Variants in SAMD5 observed in about 807,000 individuals in gnomAD.
SAMD5 encodes sterile alpha motif domain-containing protein 5.
SAMD5 carries 13 observed loss-of-function variants against 11.3 expected under a neutral mutation model. The observed-to-expected ratio is 1.15, with a 90% CI of 0.75 to 1.83. SAMD5 has a LOEUF of 1.83. SAMD5 is among the 40% of genes most tolerant of loss of function. The pLI, the probability that SAMD5 is intolerant of heterozygous loss-of-function variation, is 0.00. For synonymous variants in SAMD5, 129 were observed against 111.3 expected (o/e 1.16, Z -1.00); for missense variants, 255 against 239.1 (o/e 1.07, Z -0.44).
intron 1 of SAMD5, among the ~76,000 whole-genome samples, chr6:147,682,718 TG>T (rs1399047848): frequency 1.3e-5 from 2 of 152,220 alleles, no homozygotes; most frequent in African/African-American, 4.8e-5. Context: ...AATTAGCTGC[TG>T]AGAATAGTAA....
At chr6:147,914,448 T>C in the SAMD5 span, among the ~76,000 whole-genome samples, 1 of 152,096 alleles carries the variant, frequency 6.6e-6, no homozygotes, top group African/African-American at 2.4e-5. Flanking sequence ...TAGTAACTAA[T>C]TACACAGAAT....
intron 1 of SAMD5, among the ~76,000 whole-genome samples, chr6:147,697,478 G>A (rs555659502): frequency 2.0e-5 from 3 of 152,284 alleles, no homozygotes; most frequent in Admixed American, 2.0e-4. Context: ...CAGCAAGATG[G>A]TAATCAAACC....
intron 1 of SAMD5, among the ~76,000 whole-genome samples, chr6:147,551,467 A>G (rs1196614686): frequency 1.3e-5 from 2 of 152,106 alleles, no homozygotes; most frequent in Non-Finnish European, 2.9e-5. Context: ...TAAATGAACC[A>G]TGAAATTCTA....
the SAMD5 span, among the ~76,000 whole-genome samples, chr6:147,795,870 A>C: frequency 9.9e-5 from 15 of 152,254 alleles, no homozygotes; most frequent in East Asian, 2.1e-3. Context: ...TGTTCTTTTG[A>C]GAAGTGTCTG....
intron 1 of SAMD5, among the ~76,000 whole-genome samples, chr6:147,660,180 G>A (rs1172346501): frequency 1.3e-5 from 2 of 152,136 alleles, no homozygotes; most frequent in African/African-American, 4.8e-5. Flanking sequence ...GCAGAAGGAT[G>A]TTCAGGCAAT....
chr6:147,776,434 C>T, the SAMD5 span, among the ~76,000 whole-genome samples: 102 of 152,066 alleles, frequency 6.7e-4, no homozygotes, highest in Non-Finnish European at 1.3e-3. Context: ...TGAGCTCCTT[C>T]GCACTCTGGT....
At chr6:147,588,068 T>G (rs1014473773) in intron 1 of SAMD5, among the ~76,000 whole-genome samples, 1 of 152,072 alleles carries the variant, frequency 6.6e-6, no homozygotes, top group African/African-American at 2.4e-5. Flanking sequence ...GGTTTATAAA[T>G]GAAAGCAAAT....
At chr6:147,792,864 T>C in the SAMD5 span, among the ~76,000 whole-genome samples, 1 of 152,172 alleles carries the variant, frequency 6.6e-6, no homozygotes, top group Non-Finnish European at 1.5e-5. Context: ...GAAAATAAAG[T>C]AGTAATGGAT....
chr6:147,946,539 C>G, the SAMD5 span, among the ~76,000 whole-genome samples: 888 of 152,264 alleles, frequency 5.8e-3, 6 homozygotes, highest in Non-Finnish European at 0.01. Context: ...TTTATGGATT[C>G]CTTCTTGATC....
chr6:147,548,029 C>T (rs1164920559), intron 1 of SAMD5, among the ~76,000 whole-genome samples: 1 of 152,096 alleles, frequency 6.6e-6, no homozygotes, highest in Admixed American at 6.5e-5. Context: ...AGGTAATGGG[C>T]ATATAGAATA....
At chr6:147,930,122 T>C in the SAMD5 span, among the ~76,000 whole-genome samples, 2 of 152,168 alleles carry the variant, frequency 1.3e-5, no homozygotes, top group Non-Finnish European at 2.9e-5. Flanking sequence ...CTCTAGTGCA[T>C]GGACACAAGG....
intron 1 of SAMD5, among the ~76,000 whole-genome samples, chr6:147,617,293 A>G (rs1248000481): frequency 5.3e-5 from 8 of 152,156 alleles, no homozygotes; most frequent in Admixed American, 3.3e-4. Context: ...GACACTCAGG[A>G]ACTTCAAGAA....
intron 1 of SAMD5, among the ~76,000 whole-genome samples, chr6:147,718,471 G>A (rs989605147): frequency 7.9e-5 from 12 of 152,106 alleles, no homozygotes; most frequent in Non-Finnish European, 1.8e-4. Context: ...AGAATGAGTG[G>A]TTATTTATCT....
chr6:147,752,303 C>T, the SAMD5 span, among the ~76,000 whole-genome samples: 1 of 152,098 alleles, frequency 6.6e-6, no homozygotes, highest in Non-Finnish European at 1.5e-5. Context: ...ATAACGCAAT[C>T]GTGTTTCATT....
the SAMD5 span, among the ~76,000 whole-genome samples, chr6:147,838,531 G>GCAC: frequency 3.1e-5 from 4 of 127,706 alleles, no homozygotes; most frequent in Non-Finnish European, 6.5e-5. Context: ...AGAATATCCT[G>GCAC]CCCCCCCCCC....
At chr6:147,887,273 T>C in the SAMD5 span, among the ~76,000 whole-genome samples, 20 of 152,160 alleles carry the variant, frequency 1.3e-4, no homozygotes, top group African/African-American at 4.8e-4. Context: ...ACCAAAATGA[T>C]TAAGATAAAG....
intron 1 of SAMD5, among the ~76,000 whole-genome samples, chr6:147,545,678 A>G (rs1352431972): frequency 6.6e-6 from 1 of 152,160 alleles, no homozygotes; most frequent in Non-Finnish European, 1.5e-5. Context: ...AAATTTACAT[A>G]TATGTGTGTA....
rs71552979 is a variant in SAMD5, at chr6:147,569,219, TAA to T, written c.*4778_*4779del. On this transcript the variant is annotated 3_prime_UTR_variant, in exon 2 of 2. Coordinates refer to ENST00000367474, the MANE Select transcript of SAMD5 (RefSeq NM_001030060.3). ...CTGGGCAACAGAGTGAGACTCTGTC[TAA>T]AAAAAAAAAAAAAAGAAAAGAAAAA... 1,638 of 213,366 alleles carry T rather than the reference TAA, an allele frequency of 7.7e-3. No individual in the cohort carries two copies. Among genetic ancestry groups the T allele is most frequent in the Middle Eastern group, 0.011 (4 of 362 alleles). The allele number at this position is 213,366 out of a possible 1,614,324, so 13.2% of individuals were successfully genotyped here.
chr6:147,826,751 GC>G, the SAMD5 span, among the ~76,000 whole-genome samples: 1 of 152,122 alleles, frequency 6.6e-6, no homozygotes, highest in Admixed American at 6.6e-5. Context: ...GTGTGCTATT[GC>G]CCTGCAGGAG....
Sources: gnomAD v4.1 joint callset for allele counts (sites outside exome capture counted in the v4.1 genomes callset) on GRCh38, gnomAD v4.1.1 for gene constraint, MANE v1.5 for transcripts, NCBI Gene and HGNC (gene_info 2026-07-23, HGNC 2026-07-21) for gene names.